The following CNBD1 variants were observed in gnomAD, a reference collection of about 807,000 sequenced individuals.
CNBD1 encodes cyclic nucleotide binding domain containing 1.
In CNBD1, 71 loss-of-function variants were observed where a neutral mutation model predicts 54.4. The ratio of observed to expected loss-of-function variants is 1.30; its 90% CI spans 1.08 to 1.59. The LOEUF is 1.59. Among genes scored for constraint, CNBD1 ranks in the 40% most tolerant of loss-of-function variants. The probability of loss-of-function intolerance (pLI) is 0.00; values close to 1 mark genes in which losing one functional copy is unlikely to be tolerated. For missense variants in CNBD1, 659 were observed against 518.0 expected, an observed-to-expected ratio of 1.27 and a Z score of -2.64; for synonymous variants, 182 against 170.7, an observed-to-expected ratio of 1.07 and a Z score of -0.51.
intron 4 of CNBD1, among the ~76,000 whole-genome samples, chr8:86,973,519 G>A: frequency 6.6e-6 from 1 of 152,196 alleles, no homozygotes; most frequent in East Asian, 1.9e-4. Flanking sequence ...CTGAAGAAAT[G>A]TTTACATAAT....
intron 2 of CNBD1, among the ~76,000 whole-genome samples, chr8:87,416,897 C>T (rs575017676): frequency 6.6e-6 from 1 of 151,994 alleles, no homozygotes; most frequent in East Asian, 1.9e-4. Flanking sequence ...AATTCTGCAC[C>T]ATGTAAAAAG....
chr8:86,946,331 T>C (rs1372959008), intron 4 of CNBD1, among the ~76,000 whole-genome samples: 1 of 152,132 alleles, frequency 6.6e-6, no homozygotes, highest in African/African-American at 2.4e-5. Flanking sequence ...GCCCGGAAAA[T>C]TTTCATACAG....
In CNBD1 at chr8:87,198,501, CA is replaced by C. The variant is rs1813770410; in HGVS notation, c.432-7491del. Among the ~76,000 whole-genome samples the C allele has an allele frequency of 2.0e-5, 3 of 152,264 alleles. No individual in the cohort carries two copies. The South Asian group carries it at 6.2e-4, about 32-fold the overall frequency. On this transcript the variant is annotated intron_variant, in intron 4 of 10. Transcript: ENST00000518476. ...TATGGAAACAAAAAAAAGCAGTTAACAGCAAACAATATCCCGAGGACATTCA... is the reference window on the plus strand; with the variant it reads ...TATGGAAACAAAAAAAAGCAGTTAACGCAAACAATATCCCGAGGACATTCA...
At chr8:87,402,970 T>C (rs1388160883) in intron 2 of CNBD1, among the ~76,000 whole-genome samples, 1 of 152,030 alleles carries the variant, frequency 6.6e-6, no homozygotes, top group Non-Finnish European at 1.5e-5. Context: ...TTGTGTTATC[T>C]CTCCAAGGAA....
intron 2 of CNBD1, chr8:87,428,414 A>C: frequency 3.2e-6 from 1 of 317,434 alleles, no homozygotes; most frequent in Non-Finnish European, 6.2e-6. Flanking sequence ...TAATGAATCA[A>C]TTTAATTATT....
At chr8:87,356,609 T>G (rs139066978) in intron 10 of CNBD1, among the ~76,000 whole-genome samples, 62 of 152,218 alleles carry the variant, frequency 4.1e-4, no homozygotes, top group African/African-American at 1.4e-3. Context: ...CAATCATATA[T>G]GAGCATAAAA....
intron 4 of CNBD1, among the ~76,000 whole-genome samples, chr8:87,026,647 T>G (rs530267321): frequency 2.6e-5 from 4 of 152,302 alleles, no homozygotes; most frequent in Admixed American, 1.3e-4. Flanking sequence ...TAAAAAAATT[T>G]TCTTTTCTTT....
At chr8:87,266,436 A>AATTTTTT (rs71503464) in intron 6 of CNBD1, among the ~76,000 whole-genome samples, 3 of 76,266 alleles carry the variant, frequency 3.9e-5, no homozygotes, top group East Asian at 3.3e-4. Context: ...AAAAAAAAAA[A>AATTTTTT]TCTTTTTTTT....
At chr8:87,021,143 C>A (rs1231584277) in intron 4 of CNBD1, among the ~76,000 whole-genome samples, 1 of 152,206 alleles carries the variant, frequency 6.6e-6, no homozygotes, top group Non-Finnish European at 1.5e-5. Context: ...CAAGCTGTAA[C>A]CCAATCACCT....
At chr8:86,943,369 A>C (rs1410382962) in intron 4 of CNBD1, among the ~76,000 whole-genome samples, 3 of 143,324 alleles carry the variant, frequency 2.1e-5, no homozygotes, top group Non-Finnish European at 3.1e-5. Context: ...CCATCTCAAA[A>C]AAAAAAAAAA....
intron 3 of CNBD1, among the ~76,000 whole-genome samples, chr8:86,914,982 G>T (rs1269762726): frequency 6.6e-6 from 1 of 152,154 alleles, no homozygotes. Flanking sequence ...ATCAAGGCAG[G>T]GAAATTGCAG....
At chr8:87,242,375 C>T (rs924539542) in intron 6 of CNBD1, among the ~76,000 whole-genome samples, 2 of 152,100 alleles carry the variant, frequency 1.3e-5, no homozygotes, top group African/African-American at 4.8e-5. Context: ...TCTATTATGT[C>T]TGAAGCCTGC....
chr8:87,167,176 G>A (rs888684100), intron 4 of CNBD1, among the ~76,000 whole-genome samples: 5 of 151,832 alleles, frequency 3.3e-5, no homozygotes, highest in African/African-American at 1.2e-4. Context: ...ATTCAATCAA[G>A]CACATTTATA....
At chr8:87,186,203 T>TAA (rs1813472450) in intron 4 of CNBD1, among the ~76,000 whole-genome samples, 6 of 152,286 alleles carry the variant, frequency 3.9e-5, no homozygotes, top group Admixed American at 2.6e-4. Context: ...ATTAAATACC[T>TAA]ATTTGATATT....
chr8:87,410,078 T>C (rs1315811365), intron 2 of CNBD1, among the ~76,000 whole-genome samples: 2 of 151,852 alleles, frequency 1.3e-5, no homozygotes, highest in Admixed American at 1.3e-4. Context: ...AAATGGAACA[T>C]AAAAGCCTGG....
chr8:87,417,956 A>G (rs1376294140), intron 2 of CNBD1, among the ~76,000 whole-genome samples: 3 of 152,038 alleles, frequency 2.0e-5, no homozygotes, highest in East Asian at 1.9e-4. Flanking sequence ...AAGATTTACT[A>G]TTGTTAAGAT....
intron 2 of CNBD1, among the ~76,000 whole-genome samples, chr8:87,388,604 A>G (rs183918192): frequency 0.011 from 1,716 of 152,326 alleles, 35 homozygotes; most frequent in African/African-American, 0.037. Flanking sequence ...TTGAGGCAAC[A>G]ATTAATAGCT....
intron 5 of CNBD1, among the ~76,000 whole-genome samples, chr8:87,229,818 A>T (rs1053263573): frequency 6.6e-6 from 1 of 152,192 alleles, no homozygotes; most frequent in Non-Finnish European, 1.5e-5. Flanking sequence ...ATTTCTTCTC[A>T]AATAATTTTG....
chr8:86,994,917 T>G (rs1413818603), intron 4 of CNBD1, among the ~76,000 whole-genome samples: 1 of 152,134 alleles, frequency 6.6e-6, no homozygotes, highest in Admixed American at 6.6e-5. Flanking sequence ...GGATATAGGT[T>G]GTGTGCTACG....
Sources: gnomAD v4.1 joint callset for allele counts (sites outside exome capture counted in the v4.1 genomes callset) on GRCh38, gnomAD v4.1.1 for gene constraint, MANE v1.5 for transcripts, NCBI Gene and HGNC (gene_info 2026-07-23, HGNC 2026-07-21) for gene names.